Variants in PDGFD observed in about 807,000 individuals in gnomAD.
PDGFD encodes the protein platelet derived growth factor D, also known as platelet-derived growth factor D.
A neutral mutation model predicts 44.7 loss-of-function variants in PDGFD; 30 were observed. The observed-to-expected ratio is 0.67, with a 90% CI of 0.50 to 0.91. The LOEUF (loss-of-function observed/expected upper bound fraction) is 0.91. PDGFD is among the 40% of genes least tolerant of loss of function. The pLI is 0.00. For synonymous variants in PDGFD, 173 were observed against 168.4 expected, an observed-to-expected ratio of 1.03 and a Z score of -0.21; for missense variants, 445 against 457.8, an observed-to-expected ratio of 0.97 and a Z score of 0.25.
intron 3 of PDGFD, among the ~76,000 whole-genome samples, chr11:103,965,435 T>C (rs1859003574): frequency 6.6e-6 from 1 of 152,230 alleles, no homozygotes; most frequent in Non-Finnish European, 1.5e-5. Flanking sequence ...TGTATCTTTA[T>C]TTTCAGCTGC....
chr11:104,163,933 A>C lies in PDGFD; in HGVS notation c.-6T>G, dbSNP rs1404180081. The C allele has an allele frequency of 6.5e-7, 1 of 1,539,152 alleles. No homozygotes were observed. The highest frequency in any genetic ancestry group is 8.9e-7 in the Non-Finnish European group (1 of 1,129,002). On this transcript the variant is annotated 5_prime_UTR_variant, in exon 1 of 7. Coordinates refer to ENST00000393158, the MANE Select transcript of PDGFD (RefSeq NM_025208.5). ...ACAAAGATGAGCCGGTGCATTTGGG[A>C]TCAGCGACTAGAGACAGCGTCGCTC...
chr11:104,015,894 T>G (rs1859853028), intron 1 of PDGFD, among the ~76,000 whole-genome samples: 5 of 152,210 alleles, frequency 3.3e-5, no homozygotes, highest in Non-Finnish European at 7.3e-5. Flanking sequence ...CAACATTGAA[T>G]GACAGCTGGT....
chr11:104,107,936 A>G (rs1314390982), intron 1 of PDGFD, among the ~76,000 whole-genome samples: 1 of 152,116 alleles, frequency 6.6e-6, no homozygotes, highest in Non-Finnish European at 1.5e-5. Flanking sequence ...ACTAAGAGAA[A>G]CATGTCCGTA....
intron 3 of PDGFD, among the ~76,000 whole-genome samples, chr11:103,985,666 T>A (rs1366888196): frequency 1.3e-5 from 2 of 149,208 alleles, no homozygotes; most frequent in African/African-American, 5.2e-5. Flanking sequence ...GACTAAAGAA[T>A]ATGTGTAAGG....
intron 6 of PDGFD, among the ~76,000 whole-genome samples, chr11:103,920,044 A>G (rs1265857291): frequency 6.6e-6 from 1 of 152,234 alleles, no homozygotes; most frequent in Non-Finnish European, 1.5e-5. Context: ...CCTGCAGGCA[A>G]TAATCACAGC....
intron 3 of PDGFD, among the ~76,000 whole-genome samples, chr11:103,992,581 T>C (rs28460651): frequency 0.048 from 7,345 of 152,260 alleles, 259 homozygotes; most frequent in African/African-American, 0.098. Flanking sequence ...TAAGGTATGC[T>C]TTATGGTAAG....
In PDGFD at chr11:104,100,841, C is replaced by T. The variant is rs939068900; in HGVS notation, c.124+62963G>A. Among the ~76,000 whole-genome samples the T allele has an allele frequency of 3.6e-4, 55 of 152,068 alleles. 1 individual carries two copies. Among genetic ancestry groups the T allele is most frequent in the African/African-American group, 1.0e-3 (43 of 41,408 alleles). Reference sequence around the variant, plus strand: ...TTACCCAGCATATAAACACAACCAACGACAAAAACCACATGATTATCTCAA... The same window carrying T: ...TTACCCAGCATATAAACACAACCAATGACAAAAACCACATGATTATCTCAA... On this transcript the variant is annotated intron_variant, in intron 1 of 6. Coordinates refer to ENST00000393158, the MANE Select transcript of PDGFD (RefSeq NM_025208.5).
intron 1 of PDGFD, among the ~76,000 whole-genome samples, chr11:104,013,813 C>T (rs1859821219): frequency 6.6e-6 from 1 of 151,442 alleles, no homozygotes; most frequent in Non-Finnish European, 1.5e-5. Flanking sequence ...GCAATTGTGG[C>T]AAAATAGATG....
At chr11:103,996,820 G>A (rs549872459) in intron 2 of PDGFD, among the ~76,000 whole-genome samples, 1 of 152,280 alleles carries the variant, frequency 6.6e-6, no homozygotes, top group South Asian at 2.1e-4. Flanking sequence ...AACTTATCAT[G>A]AAGGAAAGCA....
At chr11:103,947,171 T>C (rs1858679104) in intron 4 of PDGFD, among the ~76,000 whole-genome samples, 1 of 152,236 alleles carries the variant, frequency 6.6e-6, no homozygotes, top group African/African-American at 2.4e-5. Flanking sequence ...GGGTGAGTTA[T>C]GTTTTATATC....
chr11:103,956,354 T>C (rs556689304), intron 3 of PDGFD, among the ~76,000 whole-genome samples: 215 of 150,922 alleles, frequency 1.4e-3, no homozygotes, highest in African/African-American at 5.2e-3. Context: ...AGAATGATGA[T>C]TTCCAATTTC....
chr11:103,961,640 T>G (rs1565296149), intron 3 of PDGFD, among the ~76,000 whole-genome samples: 1 of 152,132 alleles, frequency 6.6e-6, no homozygotes, highest in South Asian at 2.1e-4. Flanking sequence ...CTTGGGATTT[T>G]TTCTTAATCA....
intron 3 of PDGFD, among the ~76,000 whole-genome samples, chr11:103,987,942 T>C (rs1311792287): frequency 1.3e-5 from 2 of 152,194 alleles, no homozygotes; most frequent in Non-Finnish European, 2.9e-5. Flanking sequence ...CAATTCTCCC[T>C]GCCTTATAAT....
At chr11:104,028,310 A>C in intron 1 of PDGFD, among the ~76,000 whole-genome samples, 1 of 151,950 alleles carries the variant, frequency 6.6e-6, no homozygotes, top group East Asian at 1.9e-4. Flanking sequence ...GGGTGATCTT[A>C]CCTAACACTA....
chr11:104,147,020 T>G (rs923917935), intron 1 of PDGFD, among the ~76,000 whole-genome samples: 1 of 136,352 alleles, frequency 7.3e-6, no homozygotes, highest in African/African-American at 2.7e-5. Flanking sequence ...AAAAAAAAAA[T>G]AGTTGTTTTA....
Position 104,088,308 on chromosome 11 carries a change from T to A in PDGFD, c.124+75496A>T, listed in dbSNP as rs142336435. On this transcript the variant is annotated intron_variant, in intron 1 of 6. Transcript: ENST00000393158. ...AATAATTACAAGTTTATCTGTTTATTCTGCCTTACTGAAAGGTCTCCAGAG... is the reference window on the plus strand; with the variant it reads ...AATAATTACAAGTTTATCTGTTTATACTGCCTTACTGAAAGGTCTCCAGAG... Among the ~76,000 whole-genome samples the A allele has an allele frequency of 2.0e-5, 3 of 152,324 alleles. No individual in the cohort carries two copies. In the East Asian group the frequency reaches 5.8e-4, roughly 29 times the overall value.
chr11:104,149,498 T>C (rs1199883292), intron 1 of PDGFD, among the ~76,000 whole-genome samples: 3 of 152,144 alleles, frequency 2.0e-5, no homozygotes, highest in Non-Finnish European at 4.4e-5. Flanking sequence ...GTGTTAGTAG[T>C]GGTAGGTTAA....
At chr11:104,084,835 T>C (rs1001538510) in intron 1 of PDGFD, among the ~76,000 whole-genome samples, 2 of 146,234 alleles carry the variant, frequency 1.4e-5, no homozygotes, top group Admixed American at 6.9e-5. Context: ...ATATAAAATA[T>C]ATGTAATGTA....
intron 1 of PDGFD, among the ~76,000 whole-genome samples, chr11:104,030,179 G>A (rs1051359139): frequency 1.3e-5 from 2 of 152,104 alleles, no homozygotes; most frequent in African/African-American, 4.8e-5. Context: ...ATGTATAAGC[G>A]AATATTCCAA....
Sources: gnomAD v4.1 joint callset for allele counts (sites outside exome capture counted in the v4.1 genomes callset) on GRCh38, gnomAD v4.1.1 for gene constraint, MANE v1.5 for transcripts, NCBI Gene and HGNC (gene_info 2026-07-23, HGNC 2026-07-21) for gene names.